MOB3B: variants seen among roughly 807,000 people sequenced by gnomAD.
MOB3B encodes MOB kinase activator 3B.
In MOB3B, 7 loss-of-function variants were observed where a neutral mutation model predicts 18.7. The ratio of observed to expected loss-of-function variants is 0.37; its 90% CI spans 0.21 to 0.70. The LOEUF (loss-of-function observed/expected upper bound fraction) is 0.70. Among genes scored for constraint, MOB3B ranks in the 30% least tolerant of loss-of-function variants. The probability of loss-of-function intolerance (pLI) is 0.52; values close to 1 mark genes in which losing one functional copy is unlikely to be tolerated. For synonymous variants in MOB3B, 111 were observed against 99.9 expected (o/e 1.11, Z -0.66); for missense variants, 253 against 281.3 (o/e 0.90, Z 0.72).
At chr9:27,374,313 C>T (rs113200050) in intron 2 of MOB3B, among the ~76,000 whole-genome samples, 9 of 151,990 alleles carry the variant, frequency 5.9e-5, no homozygotes, top group African/African-American at 2.2e-4. Context: ...CTAGATCCCA[C>T]TCACTTTGAA....
At chr9:27,474,751 C>G (rs942118104) in intron 1 of MOB3B, among the ~76,000 whole-genome samples, 4 of 152,176 alleles carry the variant, frequency 2.6e-5, no homozygotes, top group Non-Finnish European at 4.4e-5. Context: ...CTCATCAAAA[C>G]AAACTTTGAA....
chr9:27,426,390 A>C (rs141295714), intron 2 of MOB3B, among the ~76,000 whole-genome samples: 32 of 152,316 alleles, frequency 2.1e-4, no homozygotes, highest in African/African-American at 7.5e-4. Context: ...GTTGGGGTGC[A>C]GGGAGAGGTC....
intron 1 of MOB3B, among the ~76,000 whole-genome samples, chr9:27,495,441 C>T (rs1295127715): frequency 6.6e-6 from 1 of 152,152 alleles, no homozygotes; most frequent in Non-Finnish European, 1.5e-5. Context: ...CATCCCTGTT[C>T]CTGCATGCCT....
At chr9:27,345,412 A>C (rs1821018441) in intron 3 of MOB3B, among the ~76,000 whole-genome samples, 1 of 152,142 alleles carries the variant, frequency 6.6e-6, no homozygotes, top group South Asian at 2.1e-4. Context: ...TTTAAAAATA[A>C]AATAAAATAC....
chr9:27,396,259 T>C (rs776015038), intron 2 of MOB3B, among the ~76,000 whole-genome samples: 8 of 152,126 alleles, frequency 5.3e-5, no homozygotes, highest in Non-Finnish European at 1.0e-4. Flanking sequence ...CAAGAAATAT[T>C]TATATTTCTT....
chr9:27,430,593 G>A lies in MOB3B; in HGVS notation c.418+24540C>T, dbSNP rs1323734998. Among the ~76,000 whole-genome samples the A allele has an allele frequency of 2.0e-5, 3 of 152,034 alleles. No individual in the cohort carries two copies. In the East Asian group the frequency reaches 5.8e-4, roughly 29 times the overall value. Reference sequence around the variant, plus strand: ...AAAAAGGTTTGAAACCACTAAAATAGTGTGTCTGCATCAATAACATCACAC... The same window carrying A: ...AAAAAGGTTTGAAACCACTAAAATAATGTGTCTGCATCAATAACATCACAC... On this transcript the variant is annotated intron_variant, in intron 2 of 3. Transcript: ENST00000262244.
chr9:27,423,958 T>C (rs1197404176), intron 2 of MOB3B, among the ~76,000 whole-genome samples: 1 of 152,160 alleles, frequency 6.6e-6, no homozygotes, highest in African/African-American at 2.4e-5. Context: ...ACAGAAAAAT[T>C]AAGTTACTTT....
intron 1 of MOB3B, among the ~76,000 whole-genome samples, chr9:27,481,595 G>C: frequency 6.9e-6 from 1 of 144,162 alleles, no homozygotes; most frequent in East Asian, 2.1e-4. Flanking sequence ...GCGTGATCTC[G>C]GCTCACTGCA....
rs554967647 is a variant in MOB3B at position 27,529,134 on chromosome 9, C to T, written c.-199+421G>A. On this transcript the variant is annotated intron_variant, in intron 1 of 3. Coordinates refer to ENST00000262244, the MANE Select transcript of MOB3B (RefSeq NM_024761.5). ...CCCAAGCGTTGTCCCCCAGCCCAGGCGCACTTTTGTAAAAGTTTGTCTTCC... is the reference window on the plus strand; with the variant it reads ...CCCAAGCGTTGTCCCCCAGCCCAGGTGCACTTTTGTAAAAGTTTGTCTTCC... 8.5e-5 allele frequency among the ~76,000 whole-genome samples: 13 copies of T among 152,306 alleles called. No individual in the cohort carries two copies. In the East Asian group the frequency reaches 2.5e-3, roughly 30 times the overall value.
At chr9:27,438,754 G>A (rs903043064) in intron 2 of MOB3B, among the ~76,000 whole-genome samples, 1 of 152,100 alleles carries the variant, frequency 6.6e-6, no homozygotes, top group Non-Finnish European at 1.5e-5. Context: ...CCCGTGAGTC[G>A]CTGTAGACTG....
At chr9:27,473,573 C>T (rs1339307114) in intron 1 of MOB3B, among the ~76,000 whole-genome samples, 1 of 152,086 alleles carries the variant, frequency 6.6e-6, no homozygotes, top group African/African-American at 2.4e-5. Context: ...AGGGACCTGA[C>T]AATAGAAAGC....
At chr9:27,528,805 GTC>G (rs1820481988) in intron 1 of MOB3B, among the ~76,000 whole-genome samples, 1 of 152,146 alleles carries the variant, frequency 6.6e-6, no homozygotes, top group Non-Finnish European at 1.5e-5. Flanking sequence ...GAGATTTAGA[GTC>G]TCTGGTACTT....
chr9:27,362,316 G>A (rs748139913), intron 2 of MOB3B, among the ~76,000 whole-genome samples: 1 of 152,008 alleles, frequency 6.6e-6, no homozygotes, highest in Non-Finnish European at 1.5e-5. Context: ...AGTAGGGCTA[G>A]GATTTTAAAC....
chr9:27,497,343 C>A (rs1362208013), intron 1 of MOB3B, among the ~76,000 whole-genome samples: 1 of 152,036 alleles, frequency 6.6e-6, no homozygotes, highest in Non-Finnish European at 1.5e-5. Context: ...TCAGAAAAAC[C>A]TAACTTCCCA....
chr9:27,421,919 C>G (rs1033759705), intron 2 of MOB3B, among the ~76,000 whole-genome samples: 5 of 152,148 alleles, frequency 3.3e-5, no homozygotes, highest in African/African-American at 1.2e-4. Context: ...TTATCACCAC[C>G]TGACATCTAT....
chr9:27,332,371 G>C (rs547215319), intron 3 of MOB3B, among the ~76,000 whole-genome samples: 4 of 152,346 alleles, frequency 2.6e-5, no homozygotes, highest in East Asian at 3.9e-4. Context: ...GTTTGAGAGA[G>C]ACAGAAAGAG....
chr9:27,470,279 T>C (rs1819451917), intron 1 of MOB3B, among the ~76,000 whole-genome samples: 1 of 151,952 alleles, frequency 6.6e-6, no homozygotes, highest in African/African-American at 2.4e-5. Flanking sequence ...GGCCCTCAAT[T>C]TTATAAAAAT....
At chr9:27,408,254 A>G (rs1252144368) in intron 2 of MOB3B, among the ~76,000 whole-genome samples, 1 of 152,204 alleles carries the variant, frequency 6.6e-6, no homozygotes, top group Non-Finnish European at 1.5e-5. Flanking sequence ...CGTCTGAAAC[A>G]CTCAGCAAGC....
chr9:27,481,411 C>T (rs1364961952), intron 1 of MOB3B, among the ~76,000 whole-genome samples: 3 of 151,604 alleles, frequency 2.0e-5, no homozygotes, highest in Non-Finnish European at 4.4e-5. Flanking sequence ...ATAACCACAA[C>T]TGATGTCTCC....
Sources: allele counts gnomAD v4.1 joint callset (sites outside exome capture counted in the v4.1 genomes callset), GRCh38; gene constraint gnomAD v4.1.1; transcripts MANE v1.5; gene names NCBI Gene and HGNC (gene_info 2026-07-23, HGNC 2026-07-21).